Variants in GLDC observed in about 807,000 individuals in gnomAD.
The protein encoded by GLDC is glycine decarboxylase.
Under a neutral mutation model 121.3 loss-of-function variants are expected in GLDC, and 104 were observed. The ratio of observed to expected loss-of-function variants is 0.86; its 90% CI spans 0.73 to 1.01. GLDC has a LOEUF of 1.01. Ranked by LOEUF, GLDC falls within the 50% of genes least tolerant of loss-of-function variation. The pLI is 0.00. For missense variants in GLDC, 1,429 were observed against 1,306.6 expected (o/e 1.09, Z -1.44); for synonymous variants, 546 against 480.6 (o/e 1.14, Z -1.78).
At chr9:6,642,209 C>T (rs921034930) in intron 2 of GLDC, among the ~76,000 whole-genome samples, 16 of 152,074 alleles carry the variant, frequency 1.1e-4, no homozygotes, top group African/African-American at 3.6e-4. Flanking sequence ...GGAACAAGCT[C>T]AAAATGTCAC....
intron 3 of GLDC, among the ~76,000 whole-genome samples, chr9:6,614,267 C>T (rs1052687765): frequency 1.3e-5 from 2 of 151,992 alleles, no homozygotes; most frequent in African/African-American, 4.8e-5. Flanking sequence ...CAGAGTCTTG[C>T]TCTGTCACAC....
intron 16 of GLDC, among the ~76,000 whole-genome samples, chr9:6,559,167 T>C (rs941055442): frequency 2.0e-5 from 3 of 152,142 alleles, no homozygotes; most frequent in Non-Finnish European, 4.4e-5. Context: ...TTATCGGATG[T>C]TTACTCTGTA....
chr9:6,597,375 G>C (rs1297894178), intron 8 of GLDC, among the ~76,000 whole-genome samples: 3 of 152,140 alleles, frequency 2.0e-5, no homozygotes, highest in Non-Finnish European at 4.4e-5. Context: ...CTTACGGTGA[G>C]TTACATCTCA....
rs2129862068 is a variant in GLDC at position 6,595,123 on chromosome 9, A to C, written c.1156-4T>G. 2 of 1,581,692 alleles carry C rather than the reference A, an allele frequency of 1.3e-6. No individual in the cohort carries two copies. Among genetic ancestry groups the C allele is most frequent in the Non-Finnish European group, 1.7e-6 (2 of 1,150,430 alleles). The stretch of plus-strand genomic sequence containing the variant: ...CAGCCATATTCGCCAAGAGGGCCTA[A>C]AAGATAAGAACATTTAAAGAATCAC... On this transcript the variant is annotated splice_polypyrimidine_tract_variant and splice_region_variant and intron_variant, in intron 8 of 24. Coordinates refer to ENST00000321612, the MANE Select transcript of GLDC (RefSeq NM_000170.3).
chr9:6,641,389 C>T (rs532195896), intron 2 of GLDC, among the ~76,000 whole-genome samples: 10 of 152,338 alleles, frequency 6.6e-5, no homozygotes, highest in South Asian at 2.1e-4. Context: ...GATTCTAGTG[C>T]AACTGGGTTT....
At chr9:6,554,343 C>G (rs1473790625) in intron 19 of GLDC, among the ~76,000 whole-genome samples, 1 of 152,146 alleles carries the variant, frequency 6.6e-6, no homozygotes, top group African/African-American at 2.4e-5. Flanking sequence ...GTCCGAAAGG[C>G]ACTTTCTAGT....
intron 18 of GLDC, 73 bp from the exon 19 acceptor site, chr9:6,554,854 G>T: frequency 9.3e-7 from 1 of 1,076,772 alleles, no homozygotes; most frequent in Non-Finnish European, 1.4e-6. Flanking sequence ...GGCCATGGCT[G>T]GCCGGTGCTG....
At chr9:6,557,470 T>G (rs1817658955) in intron 17 of GLDC, among the ~76,000 whole-genome samples, 2 of 152,116 alleles carry the variant, frequency 1.3e-5, no homozygotes, top group Non-Finnish European at 2.9e-5. Flanking sequence ...GGCACACGCC[T>G]GTAGTCCCAG....
rs12350734 is a variant in GLDC at position 6,532,855 on chromosome 9, C to T, written c.*162G>A. The T allele has an allele frequency of 1.3e-3, 894 of 700,468 alleles. 7 individuals are homozygous for T. In the African/African-American group the frequency reaches 0.014, roughly 11 times the overall value. 43.4% of individuals were successfully genotyped at this position (700,468 alleles called of 1,614,324 possible). A position where few individuals can be genotyped will look rare whatever the true frequency, so the allele number is the denominator to read the frequency against. On this transcript the variant is annotated 3_prime_UTR_variant, in exon 25 of 25. Transcript: ENST00000321612. Reference sequence around the variant, plus strand: ...TCTTCCAACCATCAGCTTCGACTCCCTCCAGCTACTGTATTTACATTTACC... The same window carrying T: ...TCTTCCAACCATCAGCTTCGACTCCTTCCAGCTACTGTATTTACATTTACC...
At chr9:6,632,800 A>T (rs1051479753) in intron 2 of GLDC, among the ~76,000 whole-genome samples, 1 of 152,172 alleles carries the variant, frequency 6.6e-6, no homozygotes, top group Non-Finnish European at 1.5e-5. Context: ...TGGACCTTGA[A>T]GTCCTCCCCT....
At chr9:6,548,693 G>A (rs1346401775) in intron 21 of GLDC, among the ~76,000 whole-genome samples, 1 of 152,126 alleles carries the variant, frequency 6.6e-6, no homozygotes, top group Non-Finnish European at 1.5e-5. Flanking sequence ...CGGGTGGGCT[G>A]GTTCCTGACG....
In GLDC at chr9:6,603,299, A is replaced by C. The variant is rs553384193; in HGVS notation, c.1059-1094T>G. Among the ~76,000 whole-genome samples the C allele has an allele frequency of 2.0e-5, 3 of 152,064 alleles. No individual in the cohort carries two copies. In the South Asian group the frequency reaches 6.2e-4, roughly 32 times the overall value. On this transcript the variant is annotated intron_variant, in intron 7 of 24. Coordinates refer to ENST00000321612, the MANE Select transcript of GLDC (RefSeq NM_000170.3). ...TACAGTGTAACAACCATTGCATAACATTAGGTGTTAATAAGATGATTTAAA... is the reference window on the plus strand; with the variant it reads ...TACAGTGTAACAACCATTGCATAACCTTAGGTGTTAATAAGATGATTTAAA...
At chr9:6,594,925 A>G (rs1818462046) in intron 9 of GLDC, 89 bp downstream of exon 9, 2 of 818,554 alleles carry the variant, frequency 2.4e-6, no homozygotes, top group Non-Finnish European at 4.4e-6. Flanking sequence ...TTAATTTTGC[A>G]TATAGTATTG....
intron 15 of GLDC, among the ~76,000 whole-genome samples, chr9:6,572,439 C>T (rs776802475): frequency 9.2e-5 from 14 of 152,134 alleles, no homozygotes; most frequent in Non-Finnish European, 7.3e-5. Context: ...AATGCAGAGC[C>T]TTTCAGTGGC....
At chr9:6,588,020 T>C (rs1818304997) in intron 14 of GLDC, among the ~76,000 whole-genome samples, 1 of 150,180 alleles carries the variant, frequency 6.7e-6, no homozygotes, top group African/African-American at 2.5e-5. Context: ...GATACAGGAA[T>C]GATTTCTAGA....
At chr9:6,580,381 C>A (rs1340247596) in intron 15 of GLDC, among the ~76,000 whole-genome samples, 1 of 152,158 alleles carries the variant, frequency 6.6e-6, no homozygotes, top group African/African-American at 2.4e-5. Context: ...TCTAACGACA[C>A]CCAGAACCAG....
At chr9:6,629,958 T>TATATATATATATATATA in intron 2 of GLDC, among the ~76,000 whole-genome samples, 1 of 78,678 alleles carries the variant, frequency 1.3e-5, no homozygotes, top group Non-Finnish European at 2.4e-5. Flanking sequence ...TATATATATA[T>TATATATATATATATATA]TTTTTTTTTT....
chr9:6,604,732 G>A lies in GLDC; in HGVS notation c.914C>T (p.Pro305Leu). ...DLLALCILRP[P>L]GEFGVDIALG... Reference sequence around the variant, plus strand: ...GGCGATGTCTACCCCAAATTCTCCAGGTGGCCTCAAGATGCACAAAGCTAA... The same window carrying A: ...GGCGATGTCTACCCCAAATTCTCCAAGTGGCCTCAAGATGCACAAAGCTAA... The change falls in exon 7 of 25, where the codon CCT becomes CTT. Residue 305 changes from proline (P) to leucine (L), a missense_variant. Transcript: ENST00000321612. 1 of 1,614,152 alleles carries A rather than the reference G, an allele frequency of 6.2e-7. No homozygotes were observed. The highest frequency in any genetic ancestry group is 8.5e-7 in the Non-Finnish European group (1 of 1,179,986).
At chr9:6,568,514 C>G (rs1190259706) in intron 15 of GLDC, among the ~76,000 whole-genome samples, 1 of 152,112 alleles carries the variant, frequency 6.6e-6, no homozygotes, top group South Asian at 2.1e-4. Context: ...CTCAGAAACA[C>G]CAAGTTTATG....
Sources: gnomAD v4.1 joint callset for allele counts (sites outside exome capture counted in the v4.1 genomes callset) on GRCh38, gnomAD v4.1.1 for gene constraint, MANE v1.5 for transcripts, NCBI Gene and HGNC (gene_info 2026-07-23, HGNC 2026-07-21) for gene names.